ZFHX3: variants seen among roughly 807,000 people sequenced by gnomAD.
The protein encoded by ZFHX3 is zinc finger homeobox protein 3.
A neutral mutation model predicts 279.1 loss-of-function variants in ZFHX3; 42 were observed. The observed-to-expected ratio is 0.15, with a 90% CI of 0.12 to 0.19. The LOEUF is 0.19. Among genes scored for constraint, ZFHX3 ranks in the 10% least tolerant of loss-of-function variants. ZFHX3 has a pLI of 1.00. For synonymous variants in ZFHX3, 2,293 were observed against 1,957.8 expected (o/e 1.17, Z -4.52); for missense variants, 4,981 against 4,754.0 (o/e 1.05, Z -1.40).
intron 1 of ZFHX3, among the ~76,000 whole-genome samples, chr16:73,798,125 T>C (rs1167339919): frequency 6.6e-6 from 1 of 152,084 alleles, no homozygotes; most frequent in Non-Finnish European, 1.5e-5. Context: ...AGACTTTCAG[T>C]AACTATAAGG....
chr16:73,829,990 G>GC (rs1372697063), intron 1 of ZFHX3, among the ~76,000 whole-genome samples: 1,576 of 99,944 alleles, frequency 0.016, no homozygotes, highest in Non-Finnish European at 0.022. Flanking sequence ...AATGGCGGGC[G>GC]CCCCTCCCCC....
upstream of ZFHX3, among the ~76,000 whole-genome samples, chr16:73,050,037 G>A (rs1304530642): frequency 6.6e-6 from 1 of 152,174 alleles, no homozygotes; most frequent in Non-Finnish European, 1.5e-5. Context: ...GGATAGGTAA[G>A]GCCTGCTGGA....
chr16:73,778,266 T>C (rs989154806), intron 1 of ZFHX3, among the ~76,000 whole-genome samples: 7 of 81,102 alleles, frequency 8.6e-5, no homozygotes, highest in African/African-American at 1.3e-4. Flanking sequence ...AAAAAAAGCA[T>C]TGGACTTCAA....
intron 1 of ZFHX3, among the ~76,000 whole-genome samples, chr16:73,786,165 C>A (rs1391172831): frequency 6.6e-6 from 1 of 152,020 alleles, no homozygotes; most frequent in African/African-American, 2.4e-5. Flanking sequence ...GCCACCGTGC[C>A]CAGCCAGAAT....
intron 2 of ZFHX3, among the ~76,000 whole-genome samples, chr16:73,628,952 A>G (rs979940380): frequency 1.3e-5 from 2 of 152,176 alleles, no homozygotes; most frequent in African/African-American, 4.8e-5. Context: ...GCCCTTGGAA[A>G]GAAGGGGTGT....
At chr16:72,914,408 A>C (rs721823) in intron 3 of ZFHX3, among the ~76,000 whole-genome samples, 351 of 152,330 alleles carry the variant, frequency 2.3e-3, no homozygotes, top group Non-Finnish European at 3.9e-3. Flanking sequence ...GCCCCTATCT[A>C]CTACAGACAC....
At chr16:73,462,530 G>GTA (rs1285537517) in intron 2 of ZFHX3, among the ~76,000 whole-genome samples, 3 of 152,118 alleles carry the variant, frequency 2.0e-5, no homozygotes, top group South Asian at 4.1e-4. Flanking sequence ...TTATCATTAA[G>GTA]TATAACACTA....
At position 72,924,968 on chromosome 16, in the gene ZFHX3, T is replaced by G. The variant is rs1417836309; in HGVS notation, c.3216+25501A>C. ...AACGGAGAAGGCAGATGGGTCTTAC[T>G]CCGGCGCCCCAGCTGGCAAGTCTGA... On this transcript the variant is annotated intron_variant, in intron 3 of 9. Transcript: ENST00000268489. Among the ~76,000 whole-genome samples, 8 of 152,278 alleles carry G rather than the reference T, an allele frequency of 5.3e-5. No individual in the cohort carries two copies. In the East Asian group the frequency reaches 1.5e-3, roughly 29 times the overall value.
intron 2 of ZFHX3, among the ~76,000 whole-genome samples, chr16:73,551,166 G>A (rs933741417): frequency 3.3e-5 from 5 of 152,088 alleles, no homozygotes; most frequent in South Asian, 2.1e-4. Context: ...GTATTAAAAC[G>A]CTTTTATCCT....
chr16:73,345,077 G>C (rs2016099681), intron 3 of ZFHX3, among the ~76,000 whole-genome samples: 2 of 152,108 alleles, frequency 1.3e-5, no homozygotes, highest in African/African-American at 2.4e-5. Context: ...GGTTGAATGT[G>C]AATGGTTTGG....
At position 73,385,990 on chromosome 16, in the gene ZFHX3, G is replaced by A. The variant is rs137978539; in HGVS notation, c.-1290-67654C>T. On this transcript the variant is annotated intron_variant, in intron 3 of 17. Coordinates refer to the ZFHX3 transcript ENST00000641206. ...ACTTGACCAAGATGTGTGAAATGGT[G>A]GGGGGTGGGGGGTTACAAAATGATG... Among the ~76,000 whole-genome samples, 17 of 152,194 alleles carry A rather than the reference G, an allele frequency of 1.1e-4. No homozygotes were observed. In the East Asian group the frequency reaches 2.9e-3, roughly 26 times the overall value.
chr16:72,896,462 C>A (rs984300141), intron 3 of ZFHX3, among the ~76,000 whole-genome samples: 2 of 152,042 alleles, frequency 1.3e-5, no homozygotes, highest in Non-Finnish European at 2.9e-5. Context: ...AAGGGGCTGG[C>A]GCGTAACACC....
At chr16:72,872,741 G>A (rs2038195219) in intron 4 of ZFHX3, among the ~76,000 whole-genome samples, 1 of 152,194 alleles carries the variant, frequency 6.6e-6, no homozygotes. Context: ...TTAGAGGCAT[G>A]GGCCACGTGC....
At chr16:73,202,437 G>A (rs2011639408) in intron 5 of ZFHX3, among the ~76,000 whole-genome samples, 1 of 152,226 alleles carries the variant, frequency 6.6e-6, no homozygotes, top group Non-Finnish European at 1.5e-5. Context: ...AGCTCAAAGA[G>A]TTTCTGTACT....
At chr16:73,028,207 G>T (rs1206010445) in intron 1 of ZFHX3, among the ~76,000 whole-genome samples, 1 of 152,312 alleles carries the variant, frequency 6.6e-6, no homozygotes, top group African/African-American at 2.4e-5. Context: ...TGTCAGCCAT[G>T]TTCATGTGGG....
intron 2 of ZFHX3, among the ~76,000 whole-genome samples, chr16:73,575,235 TCCAACTAATTTGTC>T (rs2051787459): frequency 1.3e-5 from 2 of 152,290 alleles, no homozygotes; most frequent in African/African-American, 4.8e-5. Flanking sequence ...CATCCAGGAT[TCCAACTAATTTGTC>T]CCAGAAGACA....
chr16:73,181,643 AATC>A (rs1341547138), intron 5 of ZFHX3, among the ~76,000 whole-genome samples: 1 of 152,218 alleles, frequency 6.6e-6, no homozygotes, highest in East Asian at 1.9e-4. Flanking sequence ...GTGAATATAC[AATC>A]ATCACTTAAA....
At position 73,295,700 on chromosome 16, in the gene ZFHX3, G is replaced by A. The variant is rs1246122436; in HGVS notation, c.-1194+22540C>T. On this transcript the variant is annotated intron_variant, in intron 4 of 17. Coordinates refer to the ZFHX3 transcript ENST00000641206. ...GATGGAGGGTCACCAGGAAAAAGAA[G>A]GGAGTGGGGGCCTGGGCTGGACAGG... is the stretch of plus-strand genomic sequence containing the variant. 2.0e-5 allele frequency among the ~76,000 whole-genome samples: 3 copies of A among 152,220 alleles called. No individual in the cohort carries two copies. In the East Asian group the frequency reaches 5.8e-4, roughly 29 times the overall value.
chr16:73,473,042 G>A (rs1216759019), intron 2 of ZFHX3, among the ~76,000 whole-genome samples: 1 of 149,370 alleles, frequency 6.7e-6, no homozygotes, highest in Non-Finnish European at 1.5e-5. Context: ...GGATGAAGAT[G>A]TATCAGGTAT....
Sources: gnomAD v4.1 joint callset for allele counts (sites outside exome capture counted in the v4.1 genomes callset) on GRCh38, gnomAD v4.1.1 for gene constraint, MANE v1.5 for transcripts, NCBI Gene and HGNC (gene_info 2026-07-23, HGNC 2026-07-21) for gene names.